The following VPS13C variants were observed in gnomAD, a reference collection of about 807,000 sequenced individuals.
The protein encoded by VPS13C is intermembrane lipid transfer protein VPS13C.
Under a neutral mutation model 456.8 loss-of-function variants are expected in VPS13C, and 358 were observed. The ratio of observed to expected loss-of-function variants is 0.78; its 90% CI spans 0.72 to 0.86. The LOEUF is 0.86. Among genes scored for constraint, VPS13C ranks in the 40% least tolerant of loss-of-function variants. The probability of loss-of-function intolerance (pLI) is 0.00; values close to 1 mark genes in which losing one functional copy is unlikely to be tolerated. For missense variants in VPS13C, 4,818 were observed against 4,385.4 expected, an observed-to-expected ratio of 1.10 and a Z score of -2.79; for synonymous variants, 1,578 against 1,486.7, an observed-to-expected ratio of 1.06 and a Z score of -1.41.
chr15:61,990,797 C>G (rs1010914712), intron 18 of VPS13C, among the ~76,000 whole-genome samples: 2 of 151,858 alleles, frequency 1.3e-5, no homozygotes, highest in Non-Finnish European at 2.9e-5. Context: ...GGTGACAGAG[C>G]GAGACTCCAT....
At chr15:61,963,755 C>T (rs2045289911) in intron 32 of VPS13C, 80 bp downstream of exon 32, 6 of 992,432 alleles carry the variant, frequency 6.0e-6, no homozygotes, top group Non-Finnish European at 9.3e-6. Context: ...TTTATTTGTA[C>T]ATTCTTTAGC....
Position 61,868,671 on chromosome 15 carries a change from A to C in VPS13C, c.10851T>G (p.Ser3617=), listed in dbSNP as rs1392999373. Residue 3617 remains serine, a synonymous_variant, in exon 81 of 85, where the codon TCT becomes TCG. Coordinates refer to ENST00000644861, the MANE Select transcript of VPS13C (RefSeq NM_020821.3). The part of the protein sequence containing the change: ...RPYDRQESEG[S]DLLENHIKKL... ...GAACAAAATTTACCTCAAGTAAGTC[A>C]GAGCCCTCAGATTCCTGTCTGTCAT... 3 of 1,614,024 alleles carry C rather than the reference A, an allele frequency of 1.9e-6. No homozygotes were observed. Among genetic ancestry groups the C allele is most frequent in the Non-Finnish European group, 2.5e-6 (3 of 1,179,906 alleles).
At position 61,958,639 on chromosome 15, in the gene VPS13C, C is replaced by T. The variant is rs1746014723; in HGVS notation, c.4134G>A (p.Leu1378=). 7 of 1,576,474 alleles carry T rather than the reference C, an allele frequency of 4.4e-6. No individual in the cohort carries two copies. Among genetic ancestry groups the T allele is most frequent in the Non-Finnish European group, 5.1e-6 (6 of 1,165,858 alleles). Residue 1378 remains leucine (L), a synonymous_variant, in exon 37 of 85, where the codon TTG becomes TTA. Coordinates refer to ENST00000644861, the MANE Select transcript of VPS13C (RefSeq NM_020821.3). ...CTTGTACTCTTGGTTTCACTTTATC[C>T]AAGTCTTCAGTACCCTCACAGAGAT... ...TENLCEGTED[L]DKVKPRVQET...
At chr15:61,940,552 G>A (rs2044384838) in intron 47 of VPS13C, 95 bp downstream of exon 47, 1 of 1,228,244 alleles carries the variant, frequency 8.1e-7, no homozygotes, top group Non-Finnish European at 1.1e-6. Flanking sequence ...CAATAACGTA[G>A]CAACTCCTAC....
At chr15:61,900,476 G>A (rs181752713) in intron 66 of VPS13C, among the ~76,000 whole-genome samples, 43 of 151,592 alleles carry the variant, frequency 2.8e-4, no homozygotes, top group Non-Finnish European at 4.3e-4. Context: ...ACAACAGACA[G>A]AGAGCCAAAT....
At chr15:61,994,747 A>T (rs535430523) in intron 16 of VPS13C, among the ~76,000 whole-genome samples, 13 of 151,784 alleles carry the variant, frequency 8.6e-5, no homozygotes, top group Admixed American at 1.3e-4. Context: ...GTGCCACCAC[A>T]CCCGGCTAAT....
intron 67 of VPS13C, among the ~76,000 whole-genome samples, 178 bp downstream of exon 67, chr15:61,889,987 T>A (rs2042601981): frequency 6.6e-6 from 1 of 152,172 alleles, no homozygotes; most frequent in Non-Finnish European, 1.5e-5. Context: ...ATCTTAGTCA[T>A]CTTTCTATCC....
intron 45 of VPS13C, 53 bp downstream of exon 45, chr15:61,945,662 A>C: frequency 7.0e-7 from 1 of 1,426,050 alleles, no homozygotes; most frequent in Non-Finnish European, 9.4e-7. Flanking sequence ...TCAGTTGTAT[A>C]AGCAAAGATA....
intron 47 of VPS13C, among the ~76,000 whole-genome samples, chr15:61,939,928 AG>A (rs952486750): frequency 1.3e-5 from 2 of 151,520 alleles, no homozygotes; most frequent in Non-Finnish European, 2.9e-5. Context: ...CAGCTAGTGG[AG>A]GTCACAGTGA....
chr15:61,990,019 A>C (rs1445944315), intron 18 of VPS13C, among the ~76,000 whole-genome samples: 1 of 152,200 alleles, frequency 6.6e-6, no homozygotes, highest in Non-Finnish European at 1.5e-5. Flanking sequence ...CAAATAAATA[A>C]GATGTGGTAT....
intron 18 of VPS13C, among the ~76,000 whole-genome samples, chr15:61,990,254 CT>C (rs2140417502): frequency 6.6e-6 from 1 of 151,984 alleles, no homozygotes; most frequent in South Asian, 2.1e-4. Context: ...TAACAGTTAC[CT>C]TTGGAGAAGC....
intron 66 of VPS13C, among the ~76,000 whole-genome samples, chr15:61,899,909 C>T (rs2042944951): frequency 6.6e-6 from 1 of 151,932 alleles, no homozygotes; most frequent in Non-Finnish European, 1.5e-5. Context: ...AAAAGCTTAT[C>T]CACCATGATC....
At chr15:61,920,668 G>A in intron 55 of VPS13C, 21 bp from the exon 56 acceptor site, 6 of 1,548,860 alleles carry the variant, frequency 3.9e-6, no homozygotes, top group Non-Finnish European at 5.2e-6. Flanking sequence ...AAATAACACA[G>A]CAAATTTAAA....
chr15:61,896,852 G>A (rs1487777738), intron 66 of VPS13C, among the ~76,000 whole-genome samples: 3 of 152,174 alleles, frequency 2.0e-5, no homozygotes, highest in East Asian at 3.9e-4. Flanking sequence ...AAATGTCCCT[G>A]TCTGACAGCT....
intron 15 of VPS13C, among the ~76,000 whole-genome samples, chr15:62,006,100 A>AT (rs35752161): frequency 0.014 from 1,532 of 113,108 alleles, 30 homozygotes; most frequent in African/African-American, 0.04. Context: ...AGAAATTCTT[A>AT]TTTTTTTTTT....
rs776534224 is a variant in VPS13C at position 61,872,027 on chromosome 15, A to C, written c.10586T>G (p.Val3529Gly). 2.5e-6 allele frequency: 4 copies of C among 1,612,446 alleles called. No homozygotes were observed. In the Admixed American group the frequency reaches 6.7e-5, roughly 27 times the overall value. Residue 3529 changes from valine to glycine, a missense_variant, in exon 79 of 85, where the codon GTT (valine) becomes GGT (glycine). Val to Gly is a moderately radical substitution (Grantham distance 109). Around this residue, in one of 3 missense-constraint regions of VPS13C, gnomAD observed 4,552 missense variants for 4,130.6 expected, o/e 1.10. Transcript: ENST00000644861. ...RGGKGFLRGVVGGVTGIITKP... is the reference protein window; with the variant it reads ...RGGKGFLRGVGGGVTGIITKP... Reference sequence around the variant, plus strand: ...TGTTATTATTCCAGTCACTCCACCAACAACTCCCTGAAAGAGAAATCAATC... The same window carrying C: ...TGTTATTATTCCAGTCACTCCACCACCAACTCCCTGAAAGAGAAATCAATC...
rs377357378 is a variant in VPS13C at position 61,881,714 on chromosome 15, G to A, written c.9706+33C>T. On this transcript the variant is annotated intron_variant, in intron 70 of 84. Coordinates refer to ENST00000644861, the MANE Select transcript of VPS13C (RefSeq NM_020821.3). The stretch of plus-strand genomic sequence containing the variant: ...ATGCCTATTTAACTTTTATAAATAA[G>A]GTATATCTATGTCACAACTTATTTT... 6.2e-6 allele frequency: 10 copies of A among 1,603,122 alleles called. No homozygotes were observed. In the African/African-American group the frequency reaches 1.4e-4, roughly 22 times the overall value.
At chr15:61,994,383 C>T (rs368314968) in intron 16 of VPS13C, among the ~76,000 whole-genome samples, 3 of 152,148 alleles carry the variant, frequency 2.0e-5, no homozygotes, top group East Asian at 3.9e-4. Context: ...AGGAACAATC[C>T]CCAGCAGTAG....
chr15:61,982,447 C>A lies in VPS13C; in HGVS notation c.2029+12G>T. Reference sequence around the variant, plus strand: ...CTTAGCTGATGCTTATGTAGACACTCAAATTCTTCACCTGTAGCTGTTCTC... The same window carrying A: ...CTTAGCTGATGCTTATGTAGACACTAAAATTCTTCACCTGTAGCTGTTCTC... On this transcript the variant is annotated intron_variant, in intron 21 of 84. Transcript: ENST00000644861. 1 of 1,593,640 alleles carries A rather than the reference C, an allele frequency of 6.3e-7. No homozygotes were observed. Among genetic ancestry groups the A allele is most frequent in the Non-Finnish European group, 8.5e-7 (1 of 1,173,200 alleles).
Sources: gnomAD v4.1 joint callset for allele counts (sites outside exome capture counted in the v4.1 genomes callset) on GRCh38, gnomAD v4.1.1 for gene constraint, gnomAD v4.1.1 regional missense constraint, MANE v1.5 for transcripts, NCBI Gene and HGNC (gene_info 2026-07-23, HGNC 2026-07-21) for gene names.